NCAM2: variants seen among roughly 807,000 people sequenced by gnomAD.
The protein encoded by NCAM2 is N-CAM-2.
NCAM2 carries 30 observed loss-of-function variants against 98.1 expected under a neutral mutation model. The observed-to-expected ratio is 0.31, with a 90% CI of 0.23 to 0.41. The LOEUF (loss-of-function observed/expected upper bound fraction) is 0.41. Among genes scored for constraint, NCAM2 ranks in the 10% least tolerant of loss-of-function variants. NCAM2 has a pLI of 1.00. For synonymous variants in NCAM2, 368 were observed against 342.4 expected (o/e 1.07, Z -0.83); for missense variants, 867 against 1,005.8 (o/e 0.86, Z 1.87).
intron 15 of NCAM2, among the ~76,000 whole-genome samples, chr21:21,504,882 A>T (rs1987879304): frequency 6.6e-6 from 1 of 151,858 alleles, no homozygotes; most frequent in African/African-American, 2.4e-5. Context: ...TAATAATCAA[A>T]TTAGGGAAAA....
intron 1 of NCAM2, among the ~76,000 whole-genome samples, chr21:21,029,410 G>A (rs1029270866): frequency 2.0e-5 from 3 of 152,052 alleles, no homozygotes; most frequent in Non-Finnish European, 4.4e-5. Flanking sequence ...TAATCCATAC[G>A]TCCTTTTTTC....
At chr21:21,482,880 C>T (rs1007100124) in intron 15 of NCAM2, among the ~76,000 whole-genome samples, 1 of 151,736 alleles carries the variant, frequency 6.6e-6, no homozygotes, top group Admixed American at 6.6e-5. Context: ...AATATTCATG[C>T]AGCATAACTC....
intron 6 of NCAM2, among the ~76,000 whole-genome samples, chr21:21,335,258 A>G (rs1270830169): frequency 1.3e-5 from 2 of 152,122 alleles, no homozygotes; most frequent in Non-Finnish European, 2.9e-5. Context: ...CCTGGTAACT[A>G]TTAAGATTTT....
At chr21:21,442,696 A>G (rs1019011694) in intron 12 of NCAM2, among the ~76,000 whole-genome samples, 1 of 152,174 alleles carries the variant, frequency 6.6e-6, no homozygotes, top group Non-Finnish European at 1.5e-5. Flanking sequence ...CCATAGACTG[A>G]GCCATTGTCT....
At chr21:21,228,551 GA>G (rs1163940018) in intron 1 of NCAM2, among the ~76,000 whole-genome samples, 3 of 151,144 alleles carry the variant, frequency 2.0e-5, no homozygotes, top group East Asian at 1.9e-4. Context: ...GAATCATGAT[GA>G]AAAAAATCTA....
chr21:21,533,377 G>A (rs1989815740), intron 16 of NCAM2, among the ~76,000 whole-genome samples: 1 of 151,756 alleles, frequency 6.6e-6, no homozygotes, highest in South Asian at 2.1e-4. Flanking sequence ...GAATTAGAAA[G>A]TATTTAGTCG....
intron 1 of NCAM2, among the ~76,000 whole-genome samples, chr21:21,134,235 A>C (rs2066995942): frequency 6.6e-6 from 1 of 151,042 alleles, no homozygotes. Context: ...TGCCTGGCTA[A>C]TTTTTTTTGT....
intron 1 of NCAM2, among the ~76,000 whole-genome samples, chr21:21,128,673 C>A (rs576101682): frequency 6.6e-6 from 1 of 151,828 alleles, no homozygotes; most frequent in Non-Finnish European, 1.5e-5. Flanking sequence ...AAAGTAAAAT[C>A]TACAAATAAA....
rs77177016 is a variant in NCAM2, at chr21:21,158,899, G to A, written c.56-121679G>A. Among the ~76,000 whole-genome samples, 530 of 152,132 alleles carry A rather than the reference G, an allele frequency of 3.5e-3. 5 individuals are homozygous for A. Among genetic ancestry groups the A allele is most frequent in the African/African-American group, 0.012 (502 of 41,502 alleles). On this transcript the variant is annotated intron_variant, in intron 1 of 17. Coordinates refer to ENST00000400546, the MANE Select transcript of NCAM2 (RefSeq NM_004540.5). ...TCCTTCTATTTATAAAAGAGAAAAC[G>A]TAACTATTAAAGAGCCTCAAACAAG...
At chr21:21,065,454 A>C (rs1223092593) in intron 1 of NCAM2, among the ~76,000 whole-genome samples, 1 of 152,204 alleles carries the variant, frequency 6.6e-6, no homozygotes. Flanking sequence ...CAAATACTTT[A>C]CATAACCCAC....
At chr21:21,440,503 G>A (rs980415015) in intron 12 of NCAM2, among the ~76,000 whole-genome samples, 4 of 151,918 alleles carry the variant, frequency 2.6e-5, no homozygotes, top group East Asian at 1.9e-4. Context: ...GCAACATGGC[G>A]AAACCTCATA....
chr21:21,254,080 G>A (rs982508333), intron 1 of NCAM2, among the ~76,000 whole-genome samples: 1 of 152,044 alleles, frequency 6.6e-6, no homozygotes, highest in African/African-American at 2.4e-5. Context: ...CAAAACAAGG[G>A]TACAATCTCA....
At chr21:21,035,821 T>C (rs2064785932) in intron 1 of NCAM2, among the ~76,000 whole-genome samples, 1 of 152,182 alleles carries the variant, frequency 6.6e-6, no homozygotes, top group Non-Finnish European at 1.5e-5. Flanking sequence ...AAAGCATCAG[T>C]ATAAAGCAGT....
chr21:21,063,210 C>CT (rs11325446), intron 1 of NCAM2, among the ~76,000 whole-genome samples: 1,042 of 66,094 alleles, frequency 0.016, 185 homozygotes, highest in African/African-American at 0.056. Context: ...TCTTTACATT[C>CT]TTTTTTTTTT....
chr21:21,497,424 C>T (rs967872368), intron 15 of NCAM2, among the ~76,000 whole-genome samples: 5 of 152,106 alleles, frequency 3.3e-5, no homozygotes, highest in African/African-American at 7.2e-5. Flanking sequence ...ATAGTTCCCC[C>T]ATTTTTAACC....
intron 12 of NCAM2, among the ~76,000 whole-genome samples, chr21:21,444,560 T>C (rs1179431659): frequency 6.6e-6 from 1 of 152,146 alleles, no homozygotes; most frequent in Non-Finnish European, 1.5e-5. Flanking sequence ...GGTTTGGTCA[T>C]GGGAGGGTGT....
intron 10 of NCAM2, among the ~76,000 whole-genome samples, chr21:21,413,622 A>G (rs772750629): frequency 6.6e-6 from 1 of 152,108 alleles, no homozygotes; most frequent in East Asian, 1.9e-4. Context: ...TGTTGGCACT[A>G]TAGTCTATTA....
At chr21:21,113,248 A>G (rs2066489432) in intron 1 of NCAM2, among the ~76,000 whole-genome samples, 1 of 152,240 alleles carries the variant, frequency 6.6e-6, no homozygotes, top group Non-Finnish European at 1.5e-5. Context: ...AATGGTGGAC[A>G]AAACTGCTGC....
chr21:21,069,757 A>G (rs2065519160), intron 1 of NCAM2, among the ~76,000 whole-genome samples: 1 of 152,122 alleles, frequency 6.6e-6, no homozygotes, highest in Non-Finnish European at 1.5e-5. Flanking sequence ...AAAAGAAGGA[A>G]ACCCAGACTG....
Sources: allele counts gnomAD v4.1 joint callset (sites outside exome capture counted in the v4.1 genomes callset), GRCh38; gene constraint gnomAD v4.1.1; transcripts MANE v1.5; gene names NCBI Gene and HGNC (gene_info 2026-07-23, HGNC 2026-07-21).